EGLN3: variants seen among roughly 807,000 people sequenced by gnomAD.
The protein encoded by EGLN3 is egl-9 family hypoxia inducible factor 3.
Under a neutral mutation model 26.0 loss-of-function variants are expected in EGLN3, and 15 were observed. That is an observed-to-expected ratio of 0.58 (90% CI 0.39 to 0.89). The LOEUF (loss-of-function observed/expected upper bound fraction) is 0.89, where lower values mean the gene tolerates loss of function less well. EGLN3 is among the 40% of genes least tolerant of loss of function. The pLI is 0.00. For missense variants in EGLN3, 238 were observed against 311.6 expected, an observed-to-expected ratio of 0.76 and a Z score of 1.78; for synonymous variants, 147 against 127.2, an observed-to-expected ratio of 1.16 and a Z score of -1.05.
intron 1 of EGLN3, among the ~76,000 whole-genome samples, chr14:33,945,142 T>A (rs2064508899): frequency 6.6e-6 from 1 of 152,168 alleles, no homozygotes; most frequent in Non-Finnish European, 1.5e-5. Flanking sequence ...ATCCCTTACA[T>A]CCTTACAGAA....
intron 1 of EGLN3, among the ~76,000 whole-genome samples, chr14:33,931,672 T>C (rs2064404751): frequency 6.6e-6 from 1 of 152,196 alleles, no homozygotes; most frequent in Non-Finnish European, 1.5e-5. Flanking sequence ...TGGCTAAAGG[T>C]ATTTGCATAC....
chr14:33,929,658 T>C (rs1244359152), intron 2 of EGLN3, among the ~76,000 whole-genome samples: 1 of 152,214 alleles, frequency 6.6e-6, no homozygotes, highest in Non-Finnish European at 1.5e-5. Context: ...AGCCACTTCG[T>C]ACCAAATTTT....
chr14:33,936,719 G>A (rs573971735), intron 1 of EGLN3, among the ~76,000 whole-genome samples: 9 of 150,646 alleles, frequency 6.0e-5, no homozygotes, highest in South Asian at 2.1e-4. Context: ...CCAAAAAAAC[G>A]TTTAGGTATT....
At chr14:33,933,867 CAGAAG>C (rs544489557) in intron 1 of EGLN3, among the ~76,000 whole-genome samples, 109 of 152,288 alleles carry the variant, frequency 7.2e-4, no homozygotes, top group Middle Eastern at 3.4e-3. Flanking sequence ...TAGTGTTTAA[CAGAAG>C]AGAAGTCTTC....
intron 1 of EGLN3, among the ~76,000 whole-genome samples, chr14:33,943,742 A>C (rs1555343990): frequency 6.6e-6 from 1 of 152,226 alleles, no homozygotes; most frequent in Non-Finnish European, 1.5e-5. Context: ...GTTGGGTAGA[A>C]CGCCACCCTG....
At chr14:33,937,076 G>A (rs1318360909) in intron 1 of EGLN3, among the ~76,000 whole-genome samples, 1 of 152,196 alleles carries the variant, frequency 6.6e-6, no homozygotes, top group Non-Finnish European at 1.5e-5. Flanking sequence ...AATGTTCACA[G>A]GGCCTCTTTA....
intron 1 of EGLN3, among the ~76,000 whole-genome samples, chr14:33,939,314 C>T (rs1265433271): frequency 6.6e-6 from 1 of 151,998 alleles, no homozygotes; most frequent in African/African-American, 2.4e-5. Flanking sequence ...GGGTTCAGGC[C>T]ATTCTCCTGC....
chr14:33,925,905 G>C lies in EGLN3; in HGVS notation c.706C>G (p.Leu236Val), dbSNP rs1351005597. 37 of 1,612,854 alleles carry C rather than the reference G, an allele frequency of 2.3e-5. No homozygotes were observed. The highest frequency in any genetic ancestry group is 2.9e-5 in the Non-Finnish European group (34 of 1,179,510). ...RNLTRKTESALTED is the reference protein window; with the variant it reads ...RNLTRKTESAVTED ...TCAGAGCACGGTCAGTCTTCAGTGA[G>C]GGCAGATTCAGTTTTCCCTGGGTTG... is the stretch of plus-strand genomic sequence containing the variant. Residue 236 changes from leucine to valine, a missense_variant, in exon 5 of 5, where the codon CTC (leucine) becomes GTC (valine). Physicochemically the swap from Leu to Val is conservative, Grantham distance 32. Coordinates refer to ENST00000250457, the MANE Select transcript of EGLN3 (RefSeq NM_022073.4).
chr14:33,934,990 G>C (rs1039604631), intron 1 of EGLN3, among the ~76,000 whole-genome samples: 1 of 152,174 alleles, frequency 6.6e-6, no homozygotes, highest in African/African-American at 2.4e-5. Context: ...ACCGACAAAT[G>C]CTAGATCCCC....
Position 33,929,329 on chromosome 14 carries a change from A to G in EGLN3, c.478-117T>C, listed in dbSNP as rs2064385357. The G allele has an allele frequency of 2.7e-5, 35 of 1,287,940 alleles. No individual in the cohort carries two copies. The South Asian group carries it at 4.7e-4, about 17-fold the overall frequency. 79.8% of individuals were successfully genotyped at this position (1,287,940 alleles called of 1,614,324 possible). ...CTAACCACCACTCCAAATGCATGGT[A>G]CCCCAGATTTTTACTTCAACCTCAT... On this transcript the variant is annotated intron_variant, in intron 2 of 4. Transcript: ENST00000250457.
chr14:33,931,192 TC>T lies in EGLN3; in HGVS notation c.380del (p.Gly127GlufsTer26). The T allele has an allele frequency of 1.9e-6, 3 of 1,614,162 alleles. No individual in the cohort carries two copies. Among genetic ancestry groups the T allele is most frequent in the Non-Finnish European group, 2.5e-6 (3 of 1,180,016 alleles). Reference protein sequence around the residue: ...RSKAMVACYPGNGTGYVRHVD... With the variant: ...RSKAMVACYPXNGTGYVRHVD... Reference sequence around the variant, plus strand: ...CGTGGCGAACATAACCTGTTCCATTTCCCGGATAGCAAGCCACCATTGCCTA... The same window carrying T: ...CGTGGCGAACATAACCTGTTCCATTTCCGGATAGCAAGCCACCATTGCCTA... On this transcript the variant is annotated frameshift_variant, in exon 2 of 5. Coordinates refer to ENST00000250457, the MANE Select transcript of EGLN3 (RefSeq NM_022073.4). LOFTEE classifies it high-confidence loss of function.
intron 3 of EGLN3, among the ~76,000 whole-genome samples, chr14:33,927,607 G>A (rs942537411): frequency 8.5e-5 from 13 of 152,124 alleles, no homozygotes; most frequent in African/African-American, 1.7e-4. Flanking sequence ...CTTCCTCTGC[G>A]ATCTCAGGCT....
chr14:33,947,496 C>G (rs1402195644), intron 1 of EGLN3, among the ~76,000 whole-genome samples: 2 of 152,040 alleles, frequency 1.3e-5, no homozygotes, highest in Non-Finnish European at 2.9e-5. Flanking sequence ...TGTTTTACTC[C>G]CAATATCTTT....
At chr14:33,928,976 G>C in intron 3 of EGLN3, 100 bp downstream of exon 3, 1 of 1,451,990 alleles carries the variant, frequency 6.9e-7, no homozygotes, top group South Asian at 1.4e-5. Flanking sequence ...ATGGGGTGTG[G>C]TCAATCCCCC....
chr14:33,939,412 T>G (rs1244210183), intron 1 of EGLN3, among the ~76,000 whole-genome samples: 1 of 152,044 alleles, frequency 6.6e-6, no homozygotes, highest in Non-Finnish European at 1.5e-5. Context: ...GGGTTTCACT[T>G]TGTTAGCCAG....
At chr14:33,944,091 G>C (rs1236355421) in intron 1 of EGLN3, among the ~76,000 whole-genome samples, 2 of 152,024 alleles carry the variant, frequency 1.3e-5, no homozygotes, top group Non-Finnish European at 2.9e-5. Flanking sequence ...GACCCAGCCA[G>C]CGTAGCCCCT....
chr14:33,943,594 T>A (rs2064497963), intron 1 of EGLN3, among the ~76,000 whole-genome samples: 1 of 152,206 alleles, frequency 6.6e-6, no homozygotes, highest in Non-Finnish European at 1.5e-5. Flanking sequence ...AAATGTAATT[T>A]AATTTACCTA....
intron 1 of EGLN3, among the ~76,000 whole-genome samples, chr14:33,933,317 A>G (rs1051319916): frequency 6.6e-6 from 1 of 151,550 alleles, no homozygotes; most frequent in Admixed American, 6.6e-5. Flanking sequence ...AAATATTGAA[A>G]AAAAAAAAAA....
At chr14:33,942,339 A>G (rs1448879635) in intron 1 of EGLN3, among the ~76,000 whole-genome samples, 2 of 152,118 alleles carry the variant, frequency 1.3e-5, no homozygotes, top group Non-Finnish European at 2.9e-5. Flanking sequence ...GTGAACCTAA[A>G]AAGTAAAACT....
Sources: gnomAD v4.1 joint callset for allele counts (sites outside exome capture counted in the v4.1 genomes callset) on GRCh38, gnomAD v4.1.1 for gene constraint, MANE v1.5 for transcripts, NCBI Gene and HGNC (gene_info 2026-07-23, HGNC 2026-07-21) for gene names.